The following MCU variants were observed in gnomAD, a reference collection of about 807,000 sequenced individuals.
The protein encoded by MCU is mitochondrial calcium uniporter.
MCU carries 12 observed loss-of-function variants against 45.2 expected under a neutral mutation model. The ratio of observed to expected loss-of-function variants is 0.27; its 90% CI spans 0.17 to 0.43. The LOEUF (loss-of-function observed/expected upper bound fraction) is 0.43, where lower values mean the gene tolerates loss of function less well. Ranked by LOEUF, MCU falls within the 20% of genes least tolerant of loss-of-function variation. The pLI, the probability that MCU is intolerant of heterozygous loss-of-function variation, is 1.00. For missense variants in MCU, 324 were observed against 436.7 expected (o/e 0.74, Z 2.30); for synonymous variants, 160 against 165.1 (o/e 0.97, Z 0.24).
chr10:72,805,101 C>CTTTCTTTCTTTCTCTT (rs1554824914), intron 1 of MCU, among the ~76,000 whole-genome samples: 1 of 103,398 alleles, frequency 9.7e-6, no homozygotes, highest in African/African-American at 4.3e-5. Flanking sequence ...TTCTTTCTTT[C>CTTTCTTTCTTTCTCTT]TCTTTCTTTC....
intron 1 of MCU, among the ~76,000 whole-genome samples, chr10:72,700,596 T>A (rs1166556587): frequency 1.3e-5 from 2 of 152,226 alleles, no homozygotes; most frequent in African/African-American, 4.8e-5. Flanking sequence ...GTCCAAAAAC[T>A]GTGTACACAC....
At chr10:72,828,308 A>G (rs1844827967) in intron 1 of MCU, among the ~76,000 whole-genome samples, 1 of 152,200 alleles carries the variant, frequency 6.6e-6, no homozygotes, top group African/African-American at 2.4e-5. Context: ...ATGGACAAAT[A>G]TATAGATACA....
chr10:72,749,369 G>C lies in MCU; in HGVS notation c.150+57068G>C, dbSNP rs1273474237. Among the ~76,000 whole-genome samples the C allele has an allele frequency of 2.2e-5, 3 of 137,498 alleles. 1 individual carries two copies. The highest frequency in any genetic ancestry group is 4.4e-5 in the Non-Finnish European group (3 of 67,944). 90.2% of individuals were successfully genotyped at this position (137,498 alleles called of 152,430 possible). A position where few individuals can be genotyped will look rare whatever the true frequency, so the allele number is the denominator to read the frequency against. On this transcript the variant is annotated intron_variant, in intron 1 of 7. Transcript: ENST00000373053. ...TTATTTTTCTCCAACCTGACTGATA[G>C]GAGCTTTTCTTCTAAGGTATAAGGT...
intron 1 of MCU, among the ~76,000 whole-genome samples, chr10:72,805,101 C>CTCATTCTTTCTTTCTTTCTTTCTT (rs1554824915): frequency 4.8e-5 from 5 of 103,398 alleles, no homozygotes; most frequent in Non-Finnish European, 9.3e-5. Flanking sequence ...TTCTTTCTTT[C>CTCATTCTTTCTTTCTTTCTTTCTT]TCTTTCTTTC....
chr10:72,837,078 T>C (rs1466977733), intron 2 of MCU, among the ~76,000 whole-genome samples: 1 of 152,198 alleles, frequency 6.6e-6, no homozygotes, highest in Non-Finnish European at 1.5e-5. Context: ...TTTTCAGTAA[T>C]TGCTTGTTAA....
rs187405942 is a variant in MCU at position 72,817,924 on chromosome 10, T to C, written c.151-16435T>C. On this transcript the variant is annotated intron_variant, in intron 1 of 7. Transcript: ENST00000373053. ...GTGGCTTTGCATGTACTAAGTACTT[T>C]AACAAAATCCAATCAAGTACTAACT... is the stretch of plus-strand genomic sequence containing the variant. Among the ~76,000 whole-genome samples, 4 of 152,216 alleles carry C rather than the reference T, an allele frequency of 2.6e-5. No homozygotes were observed. In the East Asian group the frequency reaches 7.7e-4, roughly 29 times the overall value.
At chr10:72,871,154 C>T (rs1044199356) in intron 5 of MCU, among the ~76,000 whole-genome samples, 3 of 152,136 alleles carry the variant, frequency 2.0e-5, no homozygotes, top group African/African-American at 7.2e-5. Context: ...CCCGCCTTGG[C>T]CTACCAAAAT....
intron 1 of MCU, among the ~76,000 whole-genome samples, chr10:72,740,320 A>T (rs1187017698): frequency 6.6e-6 from 1 of 151,554 alleles, no homozygotes. Context: ...CAGAGATTGC[A>T]GTGAGCCAAG....
chr10:72,870,623 A>G (rs566824620), intron 5 of MCU, among the ~76,000 whole-genome samples: 7 of 152,246 alleles, frequency 4.6e-5, no homozygotes, highest in African/African-American at 1.7e-4. Context: ...CAACTCTTTA[A>G]TGAAGTTAAT....
chr10:72,768,867 G>C (rs1843765983), intron 1 of MCU, among the ~76,000 whole-genome samples: 2 of 152,054 alleles, frequency 1.3e-5, no homozygotes, highest in Admixed American at 6.6e-5. Context: ...TTTTGTTTTT[G>C]AAACAGGGTC....
chr10:72,793,215 G>A (rs1055116065), intron 1 of MCU, among the ~76,000 whole-genome samples: 4 of 152,098 alleles, frequency 2.6e-5, no homozygotes, highest in African/African-American at 9.7e-5. Flanking sequence ...CCACAATATA[G>A]CTAGGTACCT....
In MCU at chr10:72,802,140, G is replaced by C. The variant is rs189214022; in HGVS notation, c.151-32219G>C. ...TGAAGGACAACAGGCATTTCCTGCT[G>C]TCCTTCTAGGTTTAACTTGTACCTC... On this transcript the variant is annotated intron_variant, in intron 1 of 7. Transcript: ENST00000373053. Among the ~76,000 whole-genome samples the C allele has an allele frequency of 1.0e-3, 156 of 152,264 alleles. 1 individual carries two copies. The highest frequency in any genetic ancestry group is 0.01 in the Middle Eastern group (3 of 294).
intron 1 of MCU, chr10:72,757,069 C>A (rs764035074): frequency 9.9e-5 from 15 of 150,848 alleles, no homozygotes; most frequent in African/African-American, 2.4e-5. Flanking sequence ...TATGAAAAAG[C>A]TACTTAACAT....
chr10:72,861,850 A>G (rs1318855131), intron 4 of MCU: 1 of 291,420 alleles, frequency 3.4e-6, no homozygotes, highest in Non-Finnish European at 6.7e-6. Context: ...AATGCAAAAA[A>G]TGCATGATGA....
At chr10:72,758,891 A>G (rs1444396789) in intron 1 of MCU, among the ~76,000 whole-genome samples, 2 of 152,218 alleles carry the variant, frequency 1.3e-5, no homozygotes, top group Non-Finnish European at 2.9e-5. Context: ...GTAGTGTGGA[A>G]TAAGACAATG....
At chr10:72,831,356 C>T (rs924517087) in intron 1 of MCU, among the ~76,000 whole-genome samples, 42 of 151,644 alleles carry the variant, frequency 2.8e-4, no homozygotes, top group African/African-American at 1.0e-3. Context: ...ATCTAATAAA[C>T]GAAACCGAAT....
chr10:72,768,446 G>A (rs1317444293), intron 1 of MCU, among the ~76,000 whole-genome samples: 3 of 152,108 alleles, frequency 2.0e-5, no homozygotes, highest in Admixed American at 2.0e-4. Flanking sequence ...ATTAGAATTA[G>A]GCAAATCAGT....
intron 1 of MCU, among the ~76,000 whole-genome samples, chr10:72,717,690 G>C (rs1216542826): frequency 6.6e-6 from 1 of 152,168 alleles, no homozygotes; most frequent in African/African-American, 2.4e-5. Context: ...AATTGGCATA[G>C]ATAGAATGCT....
At chr10:72,765,686 C>T (rs1843714882) in intron 1 of MCU, among the ~76,000 whole-genome samples, 1 of 150,612 alleles carries the variant, frequency 6.6e-6, no homozygotes, top group Admixed American at 6.6e-5. Context: ...GCCAGCTACT[C>T]CAGAGGCTGA....
Sources: allele counts gnomAD v4.1 joint callset (sites outside exome capture counted in the v4.1 genomes callset), GRCh38; gene constraint gnomAD v4.1.1; transcripts MANE v1.5; gene names NCBI Gene and HGNC (gene_info 2026-07-23, HGNC 2026-07-21).